FHIT: variants seen among roughly 807,000 people sequenced by gnomAD.
The protein encoded by FHIT is bis(5'-adenosyl)-triphosphatase.
A neutral mutation model predicts 17.9 loss-of-function variants in FHIT; 19 were observed. That is an observed-to-expected ratio of 1.06 (90% CI 0.74 to 1.56). The LOEUF (loss-of-function observed/expected upper bound fraction) is 1.56, where lower values mean the gene tolerates loss of function less well. Ranked by LOEUF, FHIT falls within the 40% of genes most tolerant of loss-of-function variation. The pLI is 0.00. For synonymous variants in FHIT, 81 were observed against 69.7 expected, an observed-to-expected ratio of 1.16 and a Z score of -0.81; for missense variants, 248 against 189.2, an observed-to-expected ratio of 1.31 and a Z score of -1.82.
Position 60,538,962 on chromosome 3 carries a change from G to C in FHIT, c.-17-1983C>G, listed in dbSNP as rs192843894. ...AAATGGGTTCTAATTAAACTAAAGAGCTTCTGCACAGCAAAAGAATCTACC... is the reference window on the plus strand; with the variant it reads ...AAATGGGTTCTAATTAAACTAAAGACCTTCTGCACAGCAAAAGAATCTACC... On this transcript the variant is annotated intron_variant, in intron 4 of 9. Transcript: ENST00000492590. 5.0e-3 allele frequency among the ~76,000 whole-genome samples: 758 copies of C among 152,052 alleles called. 8 individuals are homozygous for C. The highest frequency in any genetic ancestry group is 0.016 in the African/African-American group (669 of 41,456).
chr3:60,289,098 C>G (rs1013964560), intron 5 of FHIT, among the ~76,000 whole-genome samples: 4 of 151,972 alleles, frequency 2.6e-5, no homozygotes, highest in African/African-American at 7.3e-5. Flanking sequence ...TTCACCGGAC[C>G]CTGGACTAAA....
Position 59,942,059 on chromosome 3 carries a change from C to T in FHIT, c.280-19645G>A, listed in dbSNP as rs1380565354. ...GAATCATCTCACGATCTATAGTAAC[C>T]CAAAGTGGCCTAGCAACTAGGGGTG... On this transcript the variant is annotated intron_variant, in intron 7 of 9. Transcript: ENST00000492590. Among the ~76,000 whole-genome samples, 4 of 152,090 alleles carry T rather than the reference C, an allele frequency of 2.6e-5. No individual in the cohort carries two copies. In the East Asian group the frequency reaches 5.8e-4, roughly 22 times the overall value.
chr3:60,568,137 G>T (rs1210732377), intron 4 of FHIT, among the ~76,000 whole-genome samples: 1 of 152,104 alleles, frequency 6.6e-6, no homozygotes, highest in East Asian at 1.9e-4. Flanking sequence ...AAATCATGCT[G>T]CTATAAAGAC....
intron 5 of FHIT, among the ~76,000 whole-genome samples, chr3:60,316,937 T>G (rs1192699272): frequency 6.6e-6 from 1 of 152,158 alleles, no homozygotes; most frequent in Non-Finnish European, 1.5e-5. Flanking sequence ...CCTTTCCTAA[T>G]CGATTGAAAT....
intron 5 of FHIT, among the ~76,000 whole-genome samples, chr3:60,222,171 T>A (rs1312785413): frequency 6.6e-6 from 1 of 152,174 alleles, no homozygotes; most frequent in East Asian, 1.9e-4. Flanking sequence ...TGAAATTCCA[T>A]CTAACAACAC....
intron 5 of FHIT, among the ~76,000 whole-genome samples, chr3:60,531,435 C>T (rs2035780974): frequency 1.3e-5 from 2 of 151,820 alleles, no homozygotes; most frequent in South Asian, 4.2e-4. Flanking sequence ...CCCGCTACCA[C>T]GCCCGGCTAA....
intron 5 of FHIT, among the ~76,000 whole-genome samples, chr3:60,156,149 G>T (rs1223072762): frequency 6.6e-6 from 1 of 150,872 alleles, no homozygotes; most frequent in Non-Finnish European, 1.5e-5. Context: ...GTCAGGAGTT[G>T]GAGACCAGCC....
chr3:60,840,311 G>A (rs925937411), intron 3 of FHIT, among the ~76,000 whole-genome samples: 1 of 152,132 alleles, frequency 6.6e-6, no homozygotes, highest in Non-Finnish European at 1.5e-5. Context: ...CATCTTTCAT[G>A]ATGTATCTTT....
intron 8 of FHIT, among the ~76,000 whole-genome samples, chr3:59,851,925 T>C (rs1328548375): frequency 2.0e-5 from 3 of 152,222 alleles, no homozygotes; most frequent in Non-Finnish European, 2.9e-5. Context: ...TAGTCACACA[T>C]ACCTGTAGAA....
At chr3:61,218,535 G>A (rs560986737) in intron 1 of FHIT, among the ~76,000 whole-genome samples, 7 of 152,090 alleles carry the variant, frequency 4.6e-5, no homozygotes, top group Non-Finnish European at 8.8e-5. Context: ...GCTGGAAGAC[G>A]GTTTGTTTGT....
intron 5 of FHIT, among the ~76,000 whole-genome samples, chr3:60,451,174 A>T (rs1054375811): frequency 2.0e-5 from 3 of 151,924 alleles, no homozygotes; most frequent in Non-Finnish European, 4.4e-5. Flanking sequence ...TTTTTTAACC[A>T]TTTTATCAAA....
At position 60,226,324 on chromosome 3, in the gene FHIT, T is replaced by C. The variant is rs145023163; in HGVS notation, c.104-212172A>G. Among the ~76,000 whole-genome samples the C allele has an allele frequency of 2.5e-4, 38 of 151,816 alleles. No homozygotes were observed. In the East Asian group the frequency reaches 5.6e-3, roughly 22 times the overall value. On this transcript the variant is annotated intron_variant, in intron 5 of 9. Coordinates refer to ENST00000492590, the MANE Select transcript of FHIT (RefSeq NM_002012.4). Reference sequence around the variant, plus strand: ...CCTGTCTCTACTAAAAATACAAAATTAGCCAGGCATAGTGGCGCATGCCTG... The same window carrying C: ...CCTGTCTCTACTAAAAATACAAAATCAGCCAGGCATAGTGGCGCATGCCTG...
chr3:60,167,132 T>A (rs1262377802), intron 5 of FHIT, among the ~76,000 whole-genome samples: 1 of 152,210 alleles, frequency 6.6e-6, no homozygotes. Context: ...TTCTAAGAGT[T>A]CTGCCTCATT....
chr3:60,037,787 C>G (rs1417513583), intron 5 of FHIT, among the ~76,000 whole-genome samples: 2 of 151,658 alleles, frequency 1.3e-5, no homozygotes, highest in Non-Finnish European at 2.9e-5. Context: ...GATCTCGGCT[C>G]ACTGCAACCT....
intron 4 of FHIT, among the ~76,000 whole-genome samples, chr3:60,726,183 T>C (rs2041913249): frequency 1.3e-5 from 2 of 152,136 alleles, no homozygotes; most frequent in Non-Finnish European, 2.9e-5. Flanking sequence ...CAACAAAGGG[T>C]AGGAAATCTT....
At position 60,833,051 on chromosome 3, in the gene FHIT, G is replaced by C. The variant is rs542766979; in HGVS notation, c.-110-11040C>G. 2.6e-5 allele frequency among the ~76,000 whole-genome samples: 4 copies of C among 152,284 alleles called. No homozygotes were observed. The South Asian group carries it at 6.2e-4, about 24-fold the overall frequency. On this transcript the variant is annotated intron_variant, in intron 3 of 9. Coordinates refer to ENST00000492590, the MANE Select transcript of FHIT (RefSeq NM_002012.4). ...TTTATAGGTCTCTTTCCTTGGGCTG[G>C]TCAAATTCCCCAGAAAGATATCTTT... is the stretch of plus-strand genomic sequence containing the variant.
chr3:60,179,262 A>G (rs1701818223), intron 5 of FHIT, among the ~76,000 whole-genome samples: 1 of 152,202 alleles, frequency 6.6e-6, no homozygotes, highest in Non-Finnish European at 1.5e-5. Context: ...GATGCCACAC[A>G]GCCCACTCAC....
At chr3:60,353,893 T>C (rs976304648) in intron 5 of FHIT, among the ~76,000 whole-genome samples, 4 of 152,098 alleles carry the variant, frequency 2.6e-5, no homozygotes, top group African/African-American at 9.7e-5. Flanking sequence ...AGCTGATAGC[T>C]TTTTTAGAGA....
chr3:60,941,321 C>T lies in FHIT; in HGVS notation c.-111+100726G>A, dbSNP rs377500403. On this transcript the variant is annotated intron_variant, in intron 3 of 9. Transcript: ENST00000492590. ...ACTTTGAGTAGTACTGTCTAAACTACTGCTCCCTTAAAAATGGCACCTTCA... is the reference window on the plus strand; with the variant it reads ...ACTTTGAGTAGTACTGTCTAAACTATTGCTCCCTTAAAAATGGCACCTTCA... Among the ~76,000 whole-genome samples the T allele has an allele frequency of 3.3e-5, 5 of 152,168 alleles. No homozygotes were observed. The East Asian group carries it at 9.6e-4, about 29-fold the overall frequency.
Sources: allele counts gnomAD v4.1 joint callset (sites outside exome capture counted in the v4.1 genomes callset), GRCh38; gene constraint gnomAD v4.1.1; transcripts MANE v1.5; gene names NCBI Gene and HGNC (gene_info 2026-07-23, HGNC 2026-07-21).